The following CAPN8 variants were observed in gnomAD, a reference collection of about 807,000 sequenced individuals.
CAPN8 encodes calpain 8.
A neutral mutation model predicts 80.9 loss-of-function variants in CAPN8; 87 were observed. The ratio of observed to expected loss-of-function variants is 1.07; its 90% CI spans 0.90 to 1.28. The LOEUF (loss-of-function observed/expected upper bound fraction) is 1.28, where lower values mean the gene tolerates loss of function less well. Ranked by LOEUF, CAPN8 falls within the 50% of genes most tolerant of loss-of-function variation. The pLI, the probability that CAPN8 is intolerant of heterozygous loss-of-function variation, is 0.00. For synonymous variants in CAPN8, 299 were observed against 273.8 expected, an observed-to-expected ratio of 1.09 and a Z score of -0.91; for missense variants, 757 against 702.0, an observed-to-expected ratio of 1.08 and a Z score of -0.89.
At chr1:223,663,624 T>C (rs1335058424) in intron 1 of CAPN8, among the ~76,000 whole-genome samples, 1 of 152,178 alleles carries the variant, frequency 6.6e-6, no homozygotes, top group East Asian at 1.9e-4. Context: ...AAAAAAACTG[T>C]CTGTTGAAAT....
chr1:223,632,554 G>T (rs771875915), intron 2 of CAPN8, among the ~76,000 whole-genome samples: 16 of 152,020 alleles, frequency 1.1e-4, no homozygotes, highest in Admixed American at 2.0e-4. Flanking sequence ...TTTAAATACA[G>T]AGCTGGGGTC....
chr1:223,646,743 T>C (rs185092972), intron 2 of CAPN8, among the ~76,000 whole-genome samples: 1 of 152,250 alleles, frequency 6.6e-6, no homozygotes, highest in East Asian at 1.9e-4. Context: ...CAGTCTGTGA[T>C]AGAGAAATTG....
chr1:223,546,885 G>GGTTGTTGTTGTTGTTGTT, intron 16 of CAPN8, among the ~76,000 whole-genome samples: 1 of 150,022 alleles, frequency 6.7e-6, no homozygotes, highest in Admixed American at 6.6e-5. Context: ...TTTGTTTTGT[G>GGTTGTTGTTGTTGTTGTT]GTTGTTGTTG....
intron 1 of CAPN8, among the ~76,000 whole-genome samples, chr1:223,657,376 T>TA (rs1558358607): frequency 6.6e-6 from 1 of 151,650 alleles, no homozygotes; most frequent in African/African-American, 2.4e-5. Flanking sequence ...ATGTTGTTTT[T>TA]AAAAAAAGAA....
At chr1:223,613,390 C>G (rs1306710123) in intron 10 of CAPN8, among the ~76,000 whole-genome samples, 1 of 152,254 alleles carries the variant, frequency 6.6e-6, no homozygotes, top group African/African-American at 2.4e-5. Flanking sequence ...ATAGCCTTTA[C>G]ACACCCTTGG....
intron 16 of CAPN8, 132 bp downstream of exon 16, chr1:223,549,186 A>G (rs1656714495): frequency 8.5e-7 from 1 of 1,174,404 alleles, no homozygotes; most frequent in Non-Finnish European, 1.2e-6. Flanking sequence ...AATCCTTGAC[A>G]TATGCTCCAT....
chr1:223,639,546 C>T (rs1657992931), intron 2 of CAPN8, among the ~76,000 whole-genome samples: 1 of 152,198 alleles, frequency 6.6e-6, no homozygotes, highest in Non-Finnish European at 1.5e-5. Flanking sequence ...GATCAGAAAC[C>T]ACAAACTAAC....
At chr1:223,642,826 T>A in intron 2 of CAPN8, 1 of 456,228 alleles carries the variant, frequency 2.2e-6, no homozygotes, top group Non-Finnish European at 4.4e-6. Context: ...TTCTCATCCA[T>A]CTCGTTTCTG....
intron 2 of CAPN8, among the ~76,000 whole-genome samples, chr1:223,638,606 T>C (rs915788130): frequency 6.6e-6 from 1 of 152,128 alleles, no homozygotes; most frequent in Non-Finnish European, 1.5e-5. Flanking sequence ...CCTTTCCATA[T>C]TCAGGACAAA....
intron 7 of CAPN8, among the ~76,000 whole-genome samples, chr1:223,621,135 A>G (rs535481292): frequency 6.6e-5 from 10 of 152,276 alleles, no homozygotes; most frequent in African/African-American, 2.4e-4. Flanking sequence ...TCATTGAAAC[A>G]TTAATTTGAT....
At position 223,611,502 on chromosome 1, in the gene CAPN8, G is replaced by A. The variant is rs1657029928; in HGVS notation, c.1323+744C>T. On this transcript the variant is annotated intron_variant, in intron 11 of 20. Coordinates refer to ENST00000366872, the MANE Select transcript of CAPN8 (RefSeq NM_001143962.2). ...GTGGACCTGCCTGTCAGCTGCTACTGTGGGCTCACTGACTATGAGGTAGCC... is the reference window on the plus strand; with the variant it reads ...GTGGACCTGCCTGTCAGCTGCTACTATGGGCTCACTGACTATGAGGTAGCC... 7.2e-5 allele frequency among the ~76,000 whole-genome samples: 11 copies of A among 152,192 alleles called. No homozygotes were observed. The South Asian group carries it at 2.3e-3, about 31-fold the overall frequency.
chr1:223,664,443 C>A (rs1658733249), intron 1 of CAPN8, among the ~76,000 whole-genome samples: 1 of 152,322 alleles, frequency 6.6e-6, no homozygotes, highest in Admixed American at 6.5e-5. Flanking sequence ...ATGTTCTGGG[C>A]ACTATGCTCT....
intron 11 of CAPN8, among the ~76,000 whole-genome samples, chr1:223,610,295 G>A (rs1021652780): frequency 3.9e-5 from 6 of 152,204 alleles, no homozygotes; most frequent in Non-Finnish European, 8.8e-5. Flanking sequence ...GCTAAGCAAA[G>A]AAGGAAGCAG....
At chr1:223,553,746 A>T in intron 14 of CAPN8, 86 bp downstream of exon 14, 1 of 398,242 alleles carries the variant, frequency 2.5e-6, no homozygotes, top group Admixed American at 4.4e-5. Flanking sequence ...ATGCCTAGAG[A>T]CCTCAGGGAG....
At chr1:223,625,315 T>C (rs961046407) in intron 6 of CAPN8, among the ~76,000 whole-genome samples, 1 of 152,182 alleles carries the variant, frequency 6.6e-6, no homozygotes, top group African/African-American at 2.4e-5. Flanking sequence ...ACTGACAATC[T>C]CTACAGCTTT....
chr1:223,615,836 T>C (rs893900719), intron 10 of CAPN8, 134 bp downstream of exon 10: 3 of 1,047,648 alleles, frequency 2.9e-6, no homozygotes, highest in Non-Finnish European at 4.3e-6. Context: ...CTGGGAGAGG[T>C]ATATAGAGGA....
intron 1 of CAPN8, among the ~76,000 whole-genome samples, chr1:223,662,452 CAAAAAAAA>C (rs890807340): frequency 7.0e-6 from 1 of 142,222 alleles, no homozygotes; most frequent in Non-Finnish European, 1.5e-5. Flanking sequence ...CTATCTCAAA[CAAAAAAAA>C]AGAAAGAAAG....
intron 1 of CAPN8, among the ~76,000 whole-genome samples, chr1:223,658,364 G>A (rs182706203): frequency 1.8e-3 from 267 of 152,270 alleles, no homozygotes; most frequent in African/African-American, 6.4e-3. Context: ...GTGCTAAGTG[G>A]TTTGTAGGTA....
At position 223,620,234 on chromosome 1, in the gene CAPN8, C is replaced by T. The variant is rs1015963599; in HGVS notation, c.932G>A (p.Arg311Gln). Residue 311 changes from arginine (R) to glutamine (Q), a missense_variant, in exon 8 of 21, where the codon CGG (arginine) becomes CAG (glutamine). By Grantham distance (43) the Arg-to-Gln change is conservative (BLOSUM62 1). Coordinates refer to ENST00000366872, the MANE Select transcript of CAPN8 (RefSeq NM_001143962.2). ...AACTTTCTTGTCCAGTTCTTCCTTC[C>T]GCCGGGGGTCTATGTGATTCCACTC... ...APEWNHIDPRRKEELDKKVED... is the reference protein window; with the variant it reads ...APEWNHIDPRQKEELDKKVED... The T allele has an allele frequency of 1.2e-5, 18 of 1,551,484 alleles. No homozygotes were observed. The highest frequency in any genetic ancestry group is 1.4e-5 in the Non-Finnish European group (16 of 1,146,984).
Sources: allele counts gnomAD v4.1 joint callset (sites outside exome capture counted in the v4.1 genomes callset), GRCh38; gene constraint gnomAD v4.1.1; transcripts MANE v1.5; gene names NCBI Gene and HGNC (gene_info 2026-07-23, HGNC 2026-07-21).